KCNMA1: variants seen among roughly 807,000 people sequenced by gnomAD.
The protein encoded by KCNMA1 is potassium calcium-activated channel subfamily M alpha 1.
In KCNMA1, 29 loss-of-function variants were observed where a neutral mutation model predicts 140.0. The observed-to-expected ratio is 0.21, with a 90% confidence interval of 0.15 to 0.28. The LOEUF (loss-of-function observed/expected upper bound fraction) is 0.28. KCNMA1 is among the 10% of genes least tolerant of loss of function. The pLI, the probability that KCNMA1 is intolerant of heterozygous loss-of-function variation, is 1.00. For missense variants in KCNMA1, 880 were observed against 1,602.2 expected (o/e 0.55, Z 7.70); for synonymous variants, 612 against 611.9 (o/e 1.00, Z 0.00).
chr10:77,110,295 G>T lies in KCNMA1; in HGVS notation c.1009C>A (p.Leu337Ile). 1 of 1,614,064 alleles carries T rather than the reference G, an allele frequency of 6.2e-7. No individual in the cohort carries two copies. The highest frequency in any genetic ancestry group is 8.5e-7 in the Non-Finnish European group (1 of 1,179,894). The change falls in exon 8 of 28, where the codon CTC (leucine) becomes ATC (isoleucine). Residue 337 changes from leucine (L) to isoleucine (I), a missense_variant. By Grantham distance (5) the Leu-to-Ile change is conservative (BLOSUM62 2). Transcript: ENST00000286628. The stretch of plus-strand genomic sequence containing the variant: ...AAATAGACACATTCCCAGTAGGTGA[G>T]AGCCTGGTTGTTTTGGAAATTTTCC... ...PWENFQNNQA[L>I]TYWECVYLLM...
intron 15 of KCNMA1, among the ~76,000 whole-genome samples, chr10:77,032,736 T>C (rs909568676): frequency 1.5e-4 from 23 of 148,960 alleles, no homozygotes; most frequent in South Asian, 1.3e-3. Context: ...CAACCCCCCT[T>C]TTTTTTTTTT....
rs564548109 is a variant in KCNMA1 at position 76,892,626 on chromosome 10, G to A, written c.3148-907C>T. On this transcript the variant is annotated intron_variant, in intron 25 of 27. Transcript: ENST00000286628. ...TGCACTTTGGAAAGAGGTAAGGAAA[G>A]ATGCAATTGCACCTCAGCAGCTTCT... is the stretch of plus-strand genomic sequence containing the variant. 3.9e-5 allele frequency among the ~76,000 whole-genome samples: 6 copies of A among 152,284 alleles called. No homozygotes were observed. The South Asian group carries it at 1.2e-3, about 32-fold the overall frequency.
At chr10:77,602,140 G>A (rs2154566492) in intron 1 of KCNMA1, among the ~76,000 whole-genome samples, 1 of 152,322 alleles carries the variant, frequency 6.6e-6, no homozygotes, top group Non-Finnish European at 1.5e-5. Context: ...GCAAAATCTG[G>A]GGGCAGGCTT....
intron 1 of KCNMA1, among the ~76,000 whole-genome samples, chr10:77,509,785 G>T (rs186431549): frequency 6.6e-6 from 1 of 152,176 alleles, no homozygotes; most frequent in Non-Finnish European, 1.5e-5. Flanking sequence ...TTAACGTTAT[G>T]TTTTAAAACT....
chr10:76,998,130 T>C (rs181921569), intron 19 of KCNMA1, among the ~76,000 whole-genome samples: 1 of 152,258 alleles, frequency 6.6e-6, no homozygotes, highest in Admixed American at 6.5e-5. Flanking sequence ...CGATCCACAG[T>C]AATGGGCCAC....
chr10:77,451,551 G>C (rs2097660316), intron 1 of KCNMA1, among the ~76,000 whole-genome samples: 1 of 152,214 alleles, frequency 6.6e-6, no homozygotes. Flanking sequence ...TTGAAGTTCA[G>C]AGGACGAAAG....
chr10:77,125,938 C>T (rs1487864700), intron 5 of KCNMA1, among the ~76,000 whole-genome samples: 1 of 152,140 alleles, frequency 6.6e-6, no homozygotes, highest in Non-Finnish European at 1.5e-5. Context: ...GTCAGGGCTG[C>T]ACTCTTGGGA....
chr10:76,893,985 T>G (rs2041397941), intron 25 of KCNMA1, among the ~76,000 whole-genome samples: 1 of 152,108 alleles, frequency 6.6e-6, no homozygotes, highest in Non-Finnish European at 1.5e-5. Context: ...AAAAATTGAC[T>G]CTAAAACTGC....
At chr10:76,931,238 T>G (rs1043550335) in intron 23 of KCNMA1, among the ~76,000 whole-genome samples, 9 of 152,276 alleles carry the variant, frequency 5.9e-5, no homozygotes, top group Admixed American at 2.6e-4. Flanking sequence ...AATTTCACAA[T>G]GTATATGTAT....
rs142799784 is a variant in KCNMA1 at position 77,176,135 on chromosome 10, T to G, written c.808+7286A>C. On this transcript the variant is annotated intron_variant, in intron 5 of 27. Coordinates refer to ENST00000286628, the MANE Select transcript of KCNMA1 (RefSeq NM_001161352.2). The stretch of plus-strand genomic sequence containing the variant: ...CCATTGAAGCAGAGGAACAGAGAGA[T>G]GCTTGAGACTTCAGCTGAGCCCTGG... 2.5e-3 allele frequency among the ~76,000 whole-genome samples: 386 copies of G among 152,236 alleles called. 1 individual carries two copies. Among genetic ancestry groups the G allele is most frequent in the Middle Eastern group, 6.8e-3 (2 of 294 alleles).
chr10:77,338,135 A>G (rs1122877), intron 2 of KCNMA1, among the ~76,000 whole-genome samples: 21,345 of 152,086 alleles, frequency 0.14, 2,047 homozygotes, highest in African/African-American at 0.27. Flanking sequence ...AAGGCTCTTG[A>G]GAGTGAAAAG....
chr10:77,004,351 T>C (rs750509848), intron 18 of KCNMA1, among the ~76,000 whole-genome samples: 4 of 152,076 alleles, frequency 2.6e-5, no homozygotes, highest in Non-Finnish European at 5.9e-5. Flanking sequence ...TGAATCAGAA[T>C]GTCTAGATCA....
chr10:77,605,932 C>T (rs2670165), intron 1 of KCNMA1, among the ~76,000 whole-genome samples: 33,434 of 152,208 alleles, frequency 0.22, 3,981 homozygotes, highest in African/African-American at 0.27. Context: ...TATCAGCAGC[C>T]GAGCTGGAAC....
intron 1 of KCNMA1, among the ~76,000 whole-genome samples, chr10:77,550,920 CA>C (rs1443576135): frequency 6.6e-6 from 1 of 152,138 alleles, no homozygotes; most frequent in African/African-American, 2.4e-5. Flanking sequence ...ATTTTGGAGT[CA>C]GGGGCATACA....
At chr10:76,917,933 A>G (rs1276196093) in intron 23 of KCNMA1, among the ~76,000 whole-genome samples, 1 of 152,218 alleles carries the variant, frequency 6.6e-6, no homozygotes, top group African/African-American at 2.4e-5. Context: ...GAGAAATTCA[A>G]GCACCTTCCA....
intron 1 of KCNMA1, among the ~76,000 whole-genome samples, chr10:77,512,521 G>GT (rs1387561123): frequency 6.6e-6 from 1 of 152,124 alleles, no homozygotes; most frequent in Non-Finnish European, 1.5e-5. Context: ...GTATATACAG[G>GT]TATCGGTACT....
chr10:77,357,281 G>A (rs1279502832), intron 2 of KCNMA1, among the ~76,000 whole-genome samples: 1 of 152,208 alleles, frequency 6.6e-6, no homozygotes, highest in Non-Finnish European at 1.5e-5. Flanking sequence ...AGAGATCCCT[G>A]AAGATACATG....
intron 9 of KCNMA1, among the ~76,000 whole-genome samples, chr10:77,093,589 G>A (rs140527509): frequency 9.2e-5 from 14 of 152,216 alleles, no homozygotes; most frequent in Admixed American, 7.2e-4. Context: ...GGCCCTGCAA[G>A]AGCATGAGGG....
intron 1 of KCNMA1, among the ~76,000 whole-genome samples, chr10:77,590,798 GGT>G (rs1216161990): frequency 7.3e-5 from 1 of 13,688 alleles, no homozygotes; most frequent in Non-Finnish European, 6.4e-4. Flanking sequence ...AATTTCTAAA[GGT>G]TTTCTCCCTC....
Sources: gnomAD v4.1 joint callset for allele counts (sites outside exome capture counted in the v4.1 genomes callset) on GRCh38, gnomAD v4.1.1 for gene constraint, MANE v1.5 for transcripts, NCBI Gene and HGNC (gene_info 2026-07-23, HGNC 2026-07-21) for gene names.